Variants in TGFA observed in about 807,000 individuals in gnomAD.
TGFA encodes transforming growth factor alpha.
Under a neutral mutation model 21.7 loss-of-function variants are expected in TGFA, and 12 were observed. The observed-to-expected ratio is 0.55, with a 90% CI of 0.35 to 0.90. TGFA has a LOEUF of 0.90. Among genes scored for constraint, TGFA ranks in the 40% least tolerant of loss-of-function variants. The probability of loss-of-function intolerance (pLI) is 0.01; values close to 1 mark genes in which losing one functional copy is unlikely to be tolerated. For synonymous variants in TGFA, 79 were observed against 88.1 expected, an observed-to-expected ratio of 0.90 and a Z score of 0.58; for missense variants, 178 against 210.8, an observed-to-expected ratio of 0.84 and a Z score of 0.96.
chr2:70,525,040 A>C (rs746460379), intron 1 of TGFA, among the ~76,000 whole-genome samples: 6 of 152,154 alleles, frequency 3.9e-5, no homozygotes, highest in Non-Finnish European at 5.9e-5. Flanking sequence ...AAATCAAACC[A>C]AGCCCATCCC....
chr2:70,451,641 A>T (rs1257704101), intron 5 of TGFA: 4 of 645,892 alleles, frequency 6.2e-6, no homozygotes, highest in Non-Finnish European at 1.1e-5. Context: ...TTAGGTTCAG[A>T]CAAATGCTAC....
chr2:70,541,692 C>G (rs1373159913), intron 1 of TGFA, among the ~76,000 whole-genome samples: 1 of 152,048 alleles, frequency 6.6e-6, no homozygotes, highest in Non-Finnish European at 1.5e-5. Context: ...TGAGGGTTTT[C>G]TTTGTTGGGG....
intron 1 of TGFA, among the ~76,000 whole-genome samples, chr2:70,549,645 T>C (rs1455237078): frequency 6.6e-6 from 1 of 152,152 alleles, no homozygotes; most frequent in African/African-American, 2.4e-5. Flanking sequence ...TAACCAAACC[T>C]CCTCTTCCCG....
rs1672764753 is a variant in TGFA, at chr2:70,529,860, C to T, written c.41-14948G>A. Among the ~76,000 whole-genome samples, 4 of 152,226 alleles carry T rather than the reference C, an allele frequency of 2.6e-5. No homozygotes were observed. In the South Asian group the frequency reaches 8.3e-4, roughly 31 times the overall value. On this transcript the variant is annotated intron_variant, in intron 1 of 5. Transcript: ENST00000295400. The stretch of plus-strand genomic sequence containing the variant: ...GAACTGGAAGAATGGGGTGAGATCA[C>T]TGCAGAAGTTCAGGCAAAGGTCACA...
intron 2 of TGFA, among the ~76,000 whole-genome samples, chr2:70,497,564 G>C (rs1331947921): frequency 1.3e-5 from 2 of 152,182 alleles, no homozygotes; most frequent in African/African-American, 4.8e-5. Context: ...TGAGGTCCTT[G>C]AGCATCTTCT....
At chr2:70,516,927 C>T (rs1672298203) in intron 1 of TGFA, among the ~76,000 whole-genome samples, 1 of 152,224 alleles carries the variant, frequency 6.6e-6, no homozygotes, top group African/African-American at 2.4e-5. Flanking sequence ...TCCTGTCAGT[C>T]AGGGTGAACC....
intron 2 of TGFA, among the ~76,000 whole-genome samples, chr2:70,500,258 A>T (rs897676270): frequency 1.3e-5 from 2 of 152,196 alleles, no homozygotes; most frequent in Non-Finnish European, 2.9e-5. Flanking sequence ...TGGCCTGGGC[A>T]TCAGGAACTC....
At chr2:70,478,153 C>T (rs1198954568) in intron 2 of TGFA, among the ~76,000 whole-genome samples, 5 of 152,162 alleles carry the variant, frequency 3.3e-5, no homozygotes, top group Non-Finnish European at 7.3e-5. Context: ...ACAAACCTCT[C>T]CAGGAGTAGT....
intron 3 of TGFA, among the ~76,000 whole-genome samples, chr2:70,461,057 C>T (rs908062658): frequency 3.3e-5 from 5 of 152,134 alleles, no homozygotes; most frequent in Non-Finnish European, 7.3e-5. Flanking sequence ...TATTATCATC[C>T]CTGGGTCCCC....
chr2:70,489,874 C>G (rs530273373), intron 2 of TGFA, among the ~76,000 whole-genome samples: 2 of 152,150 alleles, frequency 1.3e-5, no homozygotes, highest in African/African-American at 4.8e-5. Context: ...TTAACCAGGC[C>G]CCCAGGAGAG....
Position 70,453,295 on chromosome 2 carries a change from C to T in TGFA, c.398G>A (p.Cys133Tyr). The T allele has an allele frequency of 6.2e-7, 1 of 1,614,016 alleles. No individual in the cohort carries two copies. Among genetic ancestry groups the T allele is most frequent in the Non-Finnish European group, 8.5e-7 (1 of 1,179,926 alleles). ...CTCGTGCCGGCAGATGAGGGCCCGG[C>T]ACCACTCACAGTGTTTTCGGACCTG... ...CCQVRKHCEW[C>Y]RALICRHEKP... Residue 133 changes from cysteine to tyrosine, a missense_variant, in exon 5 of 6, where the codon TGC (cysteine) becomes TAC (tyrosine). Coordinates refer to ENST00000295400, the MANE Select transcript of TGFA (RefSeq NM_003236.4).
At chr2:70,520,752 G>A (rs544517904) in intron 1 of TGFA, among the ~76,000 whole-genome samples, 3 of 151,944 alleles carry the variant, frequency 2.0e-5, no homozygotes, top group South Asian at 2.1e-4. Context: ...GCACCGGACC[G>A]ACCCTATATT....
At chr2:70,493,591 C>A (rs1431991838) in intron 2 of TGFA, among the ~76,000 whole-genome samples, 2 of 152,284 alleles carry the variant, frequency 1.3e-5, no homozygotes, top group East Asian at 3.9e-4. Flanking sequence ...ACTATTCACC[C>A]AAGCACCCAC....
intron 1 of TGFA, among the ~76,000 whole-genome samples, chr2:70,531,203 G>C (rs982777701): frequency 6.6e-6 from 1 of 152,152 alleles, no homozygotes; most frequent in Non-Finnish European, 1.5e-5. Context: ...AGACCTGAAC[G>C]TCCACACAGA....
intron 1 of TGFA, among the ~76,000 whole-genome samples, chr2:70,517,822 G>A (rs547858036): frequency 1.6e-4 from 24 of 152,234 alleles, no homozygotes; most frequent in African/African-American, 5.1e-4. Context: ...GCCTTGATCC[G>A]TCTCTCCCTG....
Position 70,520,782 on chromosome 2 carries a change from C to T in TGFA, c.41-5870G>A, listed in dbSNP as rs1672424939. On this transcript the variant is annotated intron_variant, in intron 1 of 5. Transcript: ENST00000295400. ...TATATTCCCATAGATGCTTCCCCTG[C>T]TTCCATGCCCAAACACTATCTCCAA... is the stretch of plus-strand genomic sequence containing the variant. Among the ~76,000 whole-genome samples, 3 of 152,242 alleles carry T rather than the reference C, an allele frequency of 2.0e-5. No homozygotes were observed. The South Asian group carries it at 6.2e-4, about 32-fold the overall frequency.
intron 1 of TGFA, among the ~76,000 whole-genome samples, chr2:70,525,076 G>A (rs188880162): frequency 6.6e-6 from 1 of 152,172 alleles, no homozygotes; most frequent in African/African-American, 2.4e-5. Flanking sequence ...GCCATGTGTG[G>A]GCATCATTCA....
chr2:70,476,454 A>G (rs1670937781), intron 2 of TGFA, among the ~76,000 whole-genome samples: 1 of 152,210 alleles, frequency 6.6e-6, no homozygotes, highest in African/African-American at 2.4e-5. Flanking sequence ...GTTAGAGCCC[A>G]GGGCTACCTG....
At chr2:70,514,838 A>G (rs1553501379) in intron 2 of TGFA, 21 bp downstream of exon 2, 1 of 1,613,410 alleles carries the variant, frequency 6.2e-7, no homozygotes, top group Non-Finnish European at 8.5e-7. Flanking sequence ...CGATCCACAC[A>G]CCCACGGCAG....
Sources: gnomAD v4.1 joint callset for allele counts (sites outside exome capture counted in the v4.1 genomes callset) on GRCh38, gnomAD v4.1.1 for gene constraint, MANE v1.5 for transcripts, NCBI Gene and HGNC (gene_info 2026-07-23, HGNC 2026-07-21) for gene names.